The following TTC39B variants were observed in gnomAD, a reference collection of about 807,000 sequenced individuals.
TTC39B encodes the protein tetratricopeptide repeat domain 39B.
A neutral mutation model predicts 96.6 loss-of-function variants in TTC39B; 92 were observed. The ratio of observed to expected loss-of-function variants is 0.95; its 90% CI spans 0.80 to 1.13. TTC39B has a LOEUF of 1.13. TTC39B is among the 50% of genes most tolerant of loss of function. The pLI is 0.00. For missense variants in TTC39B, 955 were observed against 809.3 expected (o/e 1.18, Z -2.18); for synonymous variants, 367 against 299.4 (o/e 1.23, Z -2.33).
chr9:15,172,096 C>A, exon 20 of TTC39B: 1 of 1,612,192 alleles, frequency 6.2e-7, no homozygotes, highest in Non-Finnish European at 8.5e-7. Context: ...AGGGAGTAAT[C>A]TTTGTAGTTG....
intron 8 of TTC39B, among the ~76,000 whole-genome samples, chr9:15,197,018 G>C (rs1819209875): frequency 6.6e-6 from 1 of 152,140 alleles, no homozygotes; most frequent in African/African-American, 2.4e-5. Context: ...ATAATTGTTA[G>C]CATTTTTTAG....
intron 11 of TTC39B, 41 bp from the exon 12 acceptor site, chr9:15,189,833 T>C (rs536859209): frequency 7.2e-6 from 10 of 1,396,444 alleles, no homozygotes; most frequent in South Asian, 1.2e-5. Context: ...TCATAAGACA[T>C]GGGGATATTT....
chr9:15,196,961 T>A (rs541860014), intron 8 of TTC39B, among the ~76,000 whole-genome samples: 1 of 152,334 alleles, frequency 6.6e-6, no homozygotes, highest in South Asian at 2.1e-4. Flanking sequence ...TCAACATGGA[T>A]GCAAGACCTC....
chr9:15,168,836 A>G (rs1463558196), exon 20 of TTC39B: 1 of 151,968 alleles, frequency 6.6e-6, no homozygotes. Flanking sequence ...AAATTAAAAT[A>G]AAATAAAAGG....
intron 8 of TTC39B, among the ~76,000 whole-genome samples, chr9:15,195,768 C>T (rs747472567): frequency 1.4e-4 from 21 of 151,194 alleles, no homozygotes; most frequent in Non-Finnish European, 2.5e-4. Context: ...AGATCACTGA[C>T]GAAGGTGGCT....
At chr9:15,302,669 C>T (rs1286989824) in intron 1 of TTC39B, among the ~76,000 whole-genome samples, 1 of 149,240 alleles carries the variant, frequency 6.7e-6, no homozygotes, top group African/African-American at 2.5e-5. Flanking sequence ...CGTGCTGAAA[C>T]TCTGTTTCTA....
At chr9:15,233,610 G>C (rs973085895) in intron 2 of TTC39B, among the ~76,000 whole-genome samples, 4 of 152,058 alleles carry the variant, frequency 2.6e-5, no homozygotes, top group Non-Finnish European at 5.9e-5. Flanking sequence ...CGCCAGCCTC[G>C]GCCTCCCGAG....
At chr9:15,236,272 A>G (rs755485861) in intron 2 of TTC39B, among the ~76,000 whole-genome samples, 1 of 152,260 alleles carries the variant, frequency 6.6e-6, no homozygotes, top group Non-Finnish European at 1.5e-5. Context: ...AGAAGATTTA[A>G]CTATTCTAAA....
At chr9:15,264,020 C>A (rs1182510873) in intron 2 of TTC39B, among the ~76,000 whole-genome samples, 1 of 152,162 alleles carries the variant, frequency 6.6e-6, no homozygotes, top group African/African-American at 2.4e-5. Context: ...GAGGAAGAAA[C>A]TGCTGGCAGA....
chr9:15,181,947 C>G (rs898134663), intron 17 of TTC39B, among the ~76,000 whole-genome samples: 1 of 152,186 alleles, frequency 6.6e-6, no homozygotes, highest in Non-Finnish European at 1.5e-5. Context: ...TCACCTCCCT[C>G]CCCAGAAAGC....
rs1564299917 is a variant in TTC39B at position 15,167,018 on chromosome 9, ATATATATATATTTTT to A, written c.*4986_*5000del. The A allele has an allele frequency of 5.9e-3, 40 of 6,786 alleles. 1 individual carries two copies. The highest frequency in any genetic ancestry group is 0.028 in the African/African-American group (34 of 1,230). 0.4% of individuals were successfully genotyped at this position (6,786 alleles called of 1,614,324 possible). A position where few individuals can be genotyped will look rare whatever the true frequency, so the allele number is the denominator to read the frequency against. On this transcript the variant is annotated 3_prime_UTR_variant, in exon 20 of 20. Coordinates refer to ENST00000512701, the Ensembl canonical transcript of TTC39B. Reference sequence around the variant, plus strand: ...TATATATATATATATATATATATATATATATATATATTTTTTTTTTTTTTTTTTTTTTTTTTGAGA... The same window carrying A: ...TATATATATATATATATATATATATATTTTTTTTTTTTTTTTTTTTTGAGA...
intron 6 of TTC39B, among the ~76,000 whole-genome samples, chr9:15,205,944 G>A (rs188533018): frequency 3.1e-4 from 47 of 152,228 alleles, no homozygotes; most frequent in African/African-American, 1.1e-3. Flanking sequence ...CTCAGTCAAG[G>A]CTCAATTATA....
chr9:15,232,209 A>C (rs989926207), intron 2 of TTC39B: 5 of 152,698 alleles, frequency 3.3e-5, no homozygotes, highest in Non-Finnish European at 1.5e-5. Context: ...AATGGCTCTT[A>C]CCCATAGGCG....
At chr9:15,282,477 C>T (rs754945178) in intron 1 of TTC39B, among the ~76,000 whole-genome samples, 6 of 152,130 alleles carry the variant, frequency 3.9e-5, no homozygotes, top group Admixed American at 6.5e-5. Flanking sequence ...ACTCTTAGCA[C>T]GTACTCTTAA....
At chr9:15,245,826 A>G (rs551693151) in intron 2 of TTC39B, among the ~76,000 whole-genome samples, 6 of 152,368 alleles carry the variant, frequency 3.9e-5, no homozygotes, top group African/African-American at 1.4e-4. Flanking sequence ...CGAAACATCA[A>G]AAGAAAAGTA....
chr9:15,167,013 TATATATATA>T lies in TTC39B; in HGVS notation c.*4997_*5005del, dbSNP rs1564299858. The T allele has an allele frequency of 6.7e-3, 55 of 8,270 alleles. 6 individuals are homozygous for T. The highest frequency in any genetic ancestry group is 9.6e-3 in the Non-Finnish European group (42 of 4,396). The allele number at this position is 8,270 out of a possible 1,614,324, so 0.5% of individuals were successfully genotyped here. On this transcript the variant is annotated 3_prime_UTR_variant, in exon 20 of 20. Coordinates refer to ENST00000512701, the Ensembl canonical transcript of TTC39B. ...ATATATATATATATATATATATATA[TATATATATA>T]TATATATTTTTTTTTTTTTTTTTTT...
intron 2 of TTC39B, among the ~76,000 whole-genome samples, chr9:15,235,152 G>T (rs1821719096): frequency 6.6e-6 from 1 of 151,982 alleles, no homozygotes; most frequent in Non-Finnish European, 1.5e-5. Flanking sequence ...ACTGGACCAG[G>T]CAGAAGAAAG....
exon 20 of TTC39B, chr9:15,171,942 T>A: frequency 8.9e-7 from 1 of 1,128,068 alleles, no homozygotes; most frequent in Non-Finnish European, 1.3e-6. Context: ...AAGATCATTT[T>A]TCCACTTTAA....
At chr9:15,210,237 G>A (rs942113168) in intron 5 of TTC39B, 73 bp from the exon 6 acceptor site, 30 of 992,882 alleles carry the variant, frequency 3.0e-5, no homozygotes, top group Admixed American at 1.2e-4. Flanking sequence ...TTCATTTGAC[G>A]TTCATTTCAG....
Sources: allele counts gnomAD v4.1 joint callset (sites outside exome capture counted in the v4.1 genomes callset), GRCh38; gene constraint gnomAD v4.1.1; transcripts MANE v1.5; gene names NCBI Gene and HGNC (gene_info 2026-07-23, HGNC 2026-07-21).